The following ALK variants were observed in gnomAD, a reference collection of about 807,000 sequenced individuals.
ALK encodes the protein ALK tyrosine kinase receptor.
Under a neutral mutation model 163.1 loss-of-function variants are expected in ALK, and 74 were observed. The observed-to-expected ratio is 0.45, with a 90% CI of 0.38 to 0.55. The LOEUF (loss-of-function observed/expected upper bound fraction) is 0.55. ALK is among the 20% of genes least tolerant of loss of function. The pLI is 0.00. For missense variants in ALK, 2,063 were observed against 2,105.3 expected (o/e 0.98, Z 0.39); for synonymous variants, 960 against 843.2 (o/e 1.14, Z -2.40).
chr2:29,377,561 A>G (rs1204420721), intron 5 of ALK, among the ~76,000 whole-genome samples: 1 of 151,960 alleles, frequency 6.6e-6, no homozygotes, highest in Admixed American at 6.6e-5. Context: ...TTGAGGGGGA[A>G]TGTCAAGGGC....
rs113994090 is a variant in ALK at position 29,223,441 on chromosome 2, G to T, written c.3260C>A (p.Thr1087Asn). ...EYKLSKLRTS[T>N]IMTDYNPNYC... is the part of the protein sequence containing the mutation. ...GTTGGGGTTGTAGTCGGTCATGATG[G>T]TCGAGGTGCGGAGCTTGCTCAGCTT... Residue 1087 changes from threonine to asparagine, a missense_variant, in exon 20 of 29, where the codon ACC (threonine) becomes AAC (asparagine). Physicochemically the swap from Thr to Asn is moderately conservative, Grantham distance 65. Around this residue, in one of 5 missense-constraint regions of ALK, gnomAD observed 575 missense variants for 626.6 expected, o/e 0.92. Coordinates refer to ENST00000389048, the MANE Select transcript of ALK (RefSeq NM_004304.5). 6.2e-7 allele frequency: 1 copy of T among 1,614,172 alleles called. No individual in the cohort carries two copies. The highest frequency in any genetic ancestry group is 2.2e-5 in the East Asian group (1 of 44,876).
chr2:29,795,177 G>GACAC (rs112686547), intron 1 of ALK, among the ~76,000 whole-genome samples: 35 of 149,292 alleles, frequency 2.3e-4, no homozygotes, highest in East Asian at 5.8e-4. Flanking sequence ...AGAAAATTCA[G>GACAC]ACACACACAC....
chr2:29,311,761 AT>A (rs757282016), intron 8 of ALK, among the ~76,000 whole-genome samples: 94 of 152,166 alleles, frequency 6.2e-4, no homozygotes, highest in South Asian at 2.1e-3. Context: ...GCCTTCTCTC[AT>A]TTATAAAAAG....
chr2:29,861,170 T>A (rs1006662898), intron 1 of ALK, among the ~76,000 whole-genome samples: 3 of 151,972 alleles, frequency 2.0e-5, no homozygotes, highest in African/African-American at 7.3e-5. Context: ...AGACCTTGCC[T>A]CAAAAAGAAG....
At chr2:29,568,608 G>T (rs1268138560) in intron 3 of ALK, among the ~76,000 whole-genome samples, 1 of 152,192 alleles carries the variant, frequency 6.6e-6, no homozygotes, top group Non-Finnish European at 1.5e-5. Flanking sequence ...CTGGGTACCA[G>T]ATTGTCTCCC....
At chr2:29,242,011 GC>G (rs1253371393) in intron 12 of ALK, among the ~76,000 whole-genome samples, 1 of 152,136 alleles carries the variant, frequency 6.6e-6, no homozygotes, top group African/African-American at 2.4e-5. Context: ...CAGACTCTCA[GC>G]CAAACACTCC....
At chr2:29,812,705 G>A (rs999419365) in intron 1 of ALK, among the ~76,000 whole-genome samples, 4 of 152,142 alleles carry the variant, frequency 2.6e-5, no homozygotes, top group Non-Finnish European at 5.9e-5. Context: ...GCCATATAGA[G>A]GGGAGAAGGT....
intron 3 of ALK, among the ~76,000 whole-genome samples, chr2:29,652,846 C>A (rs935864005): frequency 6.6e-6 from 1 of 152,074 alleles, no homozygotes; most frequent in African/African-American, 2.4e-5. Flanking sequence ...CCATACCTTG[C>A]CCTACACATC....
intron 1 of ALK, among the ~76,000 whole-genome samples, chr2:29,827,382 C>T (rs1329089670): frequency 6.6e-6 from 1 of 152,230 alleles, no homozygotes. Flanking sequence ...ACACTTGCTT[C>T]CTGTGGCTCA....
At chr2:29,209,752 A>G in intron 25 of ALK, 34 bp downstream of exon 25, 1 of 1,531,198 alleles carries the variant, frequency 6.5e-7, no homozygotes, top group Non-Finnish European at 9.0e-7. Flanking sequence ...GGTGGAAGAG[A>G]CAGGCCCGGA....
At chr2:29,510,183 T>A (rs1419107220) in intron 4 of ALK, among the ~76,000 whole-genome samples, 1 of 152,192 alleles carries the variant, frequency 6.6e-6, no homozygotes, top group East Asian at 1.9e-4. Flanking sequence ...ATTTCTTTCA[T>A]CCCACCCAGG....
At chr2:29,217,265 G>GT (rs991970288) in intron 23 of ALK, among the ~76,000 whole-genome samples, 1 of 148,578 alleles carries the variant, frequency 6.7e-6, no homozygotes, top group Non-Finnish European at 1.5e-5. Context: ...TGTGTGGTGT[G>GT]TTTTTTGTGT....
chr2:29,765,148 C>T (rs1356831933), intron 1 of ALK, among the ~76,000 whole-genome samples: 2 of 152,168 alleles, frequency 1.3e-5, no homozygotes, highest in African/African-American at 4.8e-5. Context: ...AACTATGAGC[C>T]AATTAAACCT....
intron 4 of ALK, among the ~76,000 whole-genome samples, chr2:29,446,701 T>C (rs1320755447): frequency 6.6e-6 from 1 of 152,236 alleles, no homozygotes; most frequent in Non-Finnish European, 1.5e-5. Context: ...TTAAGGCTTT[T>C]TGAAAGCACT....
intron 1 of ALK, among the ~76,000 whole-genome samples, chr2:29,778,210 C>T (rs1681232489): frequency 6.6e-6 from 1 of 152,234 alleles, no homozygotes; most frequent in East Asian, 1.9e-4. Flanking sequence ...ATGCGCTCTG[C>T]AGTCCTTGGT....
chr2:29,223,554 A>G (rs1294526133), intron 19 of ALK, 26 bp from the exon 20 acceptor site: 3 of 1,610,246 alleles, frequency 1.9e-6, no homozygotes, highest in Admixed American at 1.7e-5. Flanking sequence ...CAGCTGCAAC[A>G]TGGCCTGGCA....
intron 8 of ALK, among the ~76,000 whole-genome samples, chr2:29,313,490 T>C (rs1436680567): frequency 2.0e-5 from 3 of 152,136 alleles, no homozygotes; most frequent in Non-Finnish European, 4.4e-5. Context: ...ATTCTCTATC[T>C]GCCTGCAGAA....
chr2:29,629,677 GT>G (rs1412156491), intron 3 of ALK, among the ~76,000 whole-genome samples: 11 of 152,122 alleles, frequency 7.2e-5, no homozygotes, highest in African/African-American at 2.7e-4. Context: ...ACATTACTGA[GT>G]AATGTTACTC....
At chr2:29,285,766 T>C (rs1273754654) in intron 9 of ALK, among the ~76,000 whole-genome samples, 3 of 151,416 alleles carry the variant, frequency 2.0e-5, no homozygotes, top group African/African-American at 7.3e-5. Context: ...TTTTACCATG[T>C]TGGCCAGGCT....
Sources: allele counts gnomAD v4.1 joint callset (sites outside exome capture counted in the v4.1 genomes callset), GRCh38; gene constraint gnomAD v4.1.1; regional missense constraint gnomAD v4.1.1; transcripts MANE v1.5; gene names NCBI Gene and HGNC (gene_info 2026-07-23, HGNC 2026-07-21).